Variants in ASPRV1 observed in about 807,000 individuals in gnomAD.
ASPRV1 encodes retroviral-like aspartic protease 1.
ASPRV1 carries 7 observed loss-of-function variants against 11.0 expected under a neutral mutation model. The ratio of observed to expected loss-of-function variants is 0.64; its 90% CI spans 0.36 to 1.20. The LOEUF (loss-of-function observed/expected upper bound fraction) is 1.20, where lower values mean the gene tolerates loss of function less well. ASPRV1 is among the 50% of genes most tolerant of loss of function. ASPRV1 has a pLI of 0.02. For missense variants in ASPRV1, 299 were observed against 320.0 expected (o/e 0.93, Z 0.50); for synonymous variants, 136 against 138.4 (o/e 0.98, Z 0.12).
At chr2:69,982,334 T>C in the ASPRV1 span, among the ~76,000 whole-genome samples, 2 of 149,968 alleles carry the variant, frequency 1.3e-5, no homozygotes, top group Non-Finnish European at 3.0e-5. Flanking sequence ...CACATGCCTG[T>C]AGACCCAGCT....
chr2:69,996,696 C>T, the ASPRV1 span: 6 of 456,446 alleles, frequency 1.3e-5, no homozygotes, highest in East Asian at 4.2e-4. Context: ...CAAATAGTAA[C>T]TGGTTGATGT....
the ASPRV1 span, among the ~76,000 whole-genome samples, chr2:69,989,114 G>A: frequency 2.5e-3 from 378 of 152,272 alleles, 2 homozygotes; most frequent in African/African-American, 6.8e-3. Context: ...AGGGCCCAGA[G>A]GGCAGGGCTC....
the ASPRV1 span, among the ~76,000 whole-genome samples, chr2:69,979,602 T>G: frequency 6.6e-6 from 1 of 152,154 alleles, no homozygotes; most frequent in Admixed American, 6.5e-5. Context: ...CAAAATGGCC[T>G]GGGGGCAGAG....
chr2:70,018,822 G>C, the ASPRV1 span, among the ~76,000 whole-genome samples: 1 of 152,126 alleles, frequency 6.6e-6, no homozygotes, highest in Non-Finnish European at 1.5e-5. Context: ...AACACTACTA[G>C]AAGAAAGCAT....
chr2:70,086,774 T>G, the ASPRV1 span, among the ~76,000 whole-genome samples: 2 of 152,364 alleles, frequency 1.3e-5, no homozygotes, highest in South Asian at 4.1e-4. Context: ...CAAAGCATTA[T>G]GTAAATGGAC....
At chr2:70,079,047 T>C in the ASPRV1 span, among the ~76,000 whole-genome samples, 33 of 152,138 alleles carry the variant, frequency 2.2e-4, no homozygotes, top group Admixed American at 2.2e-3. Flanking sequence ...ATATATTCAA[T>C]ACACAGATGA....
chr2:70,069,150 A>G, the ASPRV1 span: 1 of 152,258 alleles, frequency 6.6e-6, no homozygotes, highest in Non-Finnish European at 1.5e-5. Context: ...ATTAATCTGT[A>G]TCACAGCCTG....
chr2:69,949,151 G>T, the ASPRV1 span, among the ~76,000 whole-genome samples: 2 of 152,072 alleles, frequency 1.3e-5, no homozygotes, highest in African/African-American at 4.8e-5. Context: ...ATGTTCACAC[G>T]GACCTCTGCC....
chr2:70,010,348 G>C, the ASPRV1 span, among the ~76,000 whole-genome samples: 1 of 152,162 alleles, frequency 6.6e-6, no homozygotes, highest in Non-Finnish European at 1.5e-5. Flanking sequence ...AAGGTCTCCT[G>C]AACAGCTGAC....
chr2:70,000,218 C>T, the ASPRV1 span, among the ~76,000 whole-genome samples: 1 of 151,634 alleles, frequency 6.6e-6, no homozygotes, highest in Non-Finnish European at 1.5e-5. Context: ...CAAGGTGGCT[C>T]ACACCTGTAA....
chr2:70,034,423 T>C, the ASPRV1 span, among the ~76,000 whole-genome samples: 1 of 151,572 alleles, frequency 6.6e-6, no homozygotes, highest in African/African-American at 2.4e-5. Flanking sequence ...TACAAAAAAT[T>C]AGCCAGGCGT....
rs144160396 is a variant in ASPRV1 at position 69,961,162 on chromosome 2, C to T, written c.275G>A (p.Gly92Glu). Residue 92 changes from glycine to glutamate, a missense_variant, in exon 1 of 1, where the codon GGG (glycine) becomes GAG (glutamate). Transcript: ENST00000320256. The part of the protein sequence containing the change: ...EALLKAFGVP[G>E]AAPSHLPKEI... ...TTTGGGCAGGTGGCTGGGGGCAGCC[C>T]CAGGGACCCCAAAGGCCTTCAGGAG... is the stretch of plus-strand genomic sequence containing the variant. The T allele has an allele frequency of 1.7e-4, 280 of 1,613,834 alleles. No homozygotes were observed. In the Middle Eastern group the frequency reaches 2.3e-3, roughly 13 times the overall value.
At chr2:70,038,267 C>G in the ASPRV1 span, among the ~76,000 whole-genome samples, 230 of 152,284 alleles carry the variant, frequency 1.5e-3, no homozygotes, top group Middle Eastern at 0.01. Flanking sequence ...TGCATGAAGG[C>G]TGGGCAGAGT....
upstream of ASPRV1, among the ~76,000 whole-genome samples, chr2:69,965,606 C>T (rs1478844021): frequency 1.3e-5 from 2 of 152,168 alleles, no homozygotes; most frequent in African/African-American, 4.8e-5. Context: ...TGGCAGCTTG[C>T]ACAGGAGCCA....
chr2:69,961,629 T>C lies in ASPRV1; in HGVS notation c.-193A>G. 1 of 1,601,812 alleles carries C rather than the reference T, an allele frequency of 6.2e-7. No individual in the cohort carries two copies. The highest frequency in any genetic ancestry group is 8.5e-7 in the Non-Finnish European group (1 of 1,173,204). ...CTGCTGGGGCAGAGGCAGGCAGTGC[T>C]GTGGCCTGTTCACTCTGCAGAGCCT... On this transcript the variant is annotated 5_prime_UTR_variant, in exon 1 of 1. Transcript: ENST00000320256.
chr2:69,987,255 G>A, the ASPRV1 span, among the ~76,000 whole-genome samples: 3 of 151,916 alleles, frequency 2.0e-5, no homozygotes, highest in African/African-American at 2.4e-5. Flanking sequence ...CACAGAAGCC[G>A]CGATGTTCCC....
At chr2:70,027,534 T>C in the ASPRV1 span, among the ~76,000 whole-genome samples, 1 of 152,188 alleles carries the variant, frequency 6.6e-6, no homozygotes, top group Non-Finnish European at 1.5e-5. Flanking sequence ...GATTAAAATG[T>C]GGTATATATA....
the ASPRV1 span, among the ~76,000 whole-genome samples, chr2:70,070,000 G>A: frequency 9.2e-5 from 14 of 152,040 alleles, no homozygotes; most frequent in East Asian, 9.7e-4. Flanking sequence ...CCAACACGGC[G>A]AAACCTCATC....
At chr2:69,970,528 C>T in the ASPRV1 span, among the ~76,000 whole-genome samples, 2 of 152,212 alleles carry the variant, frequency 1.3e-5, no homozygotes, top group East Asian at 3.8e-4. Flanking sequence ...CACCCCTGTT[C>T]TCCTGGCAAA....
Sources: gnomAD v4.1 joint callset for allele counts (sites outside exome capture counted in the v4.1 genomes callset) on GRCh38, gnomAD v4.1.1 for gene constraint, MANE v1.5 for transcripts, NCBI Gene and HGNC (gene_info 2026-07-23, HGNC 2026-07-21) for gene names.